TBL1X: variants seen among roughly 807,000 people sequenced by gnomAD.
The protein encoded by TBL1X is F-box-like/WD repeat-containing protein TBL1X.
A neutral mutation model predicts 50.7 loss-of-function variants in TBL1X; 10 were observed. The observed-to-expected ratio is 0.20, with a 90% CI of 0.12 to 0.33. TBL1X has a LOEUF of 0.33. TBL1X is among the 10% of genes least tolerant of loss of function. TBL1X has a pLI of 1.00. For synonymous variants in TBL1X, 190 were observed against 214.7 expected (o/e 0.88, Z 1.01); for missense variants, 340 against 504.4 (o/e 0.67, Z 3.12).
intron 7 of TBL1X, among the ~76,000 whole-genome samples, chrX:9,689,951 A>G (rs878970621): frequency 1.8e-5 from 2 of 112,551 alleles, no homozygotes; most frequent in Admixed American, 1.9e-4. Context: ...TATTTTTTAC[A>G]TAAACAGCAC....
chrX:9,550,969 C>G (rs184152162), intron 2 of TBL1X, among the ~76,000 whole-genome samples: 14 of 111,308 alleles, frequency 1.3e-4, no homozygotes, highest in Non-Finnish European at 2.5e-4. Context: ...CAGCCCCCCC[C>G]CAACCAAGAA....
chrX:9,495,146 C>A, intron 1 of TBL1X, among the ~76,000 whole-genome samples: 2 of 111,227 alleles, frequency 1.8e-5, no homozygotes, highest in South Asian at 7.5e-4. Context: ...TGGCTTTTTC[C>A]GTTCACAGCT....
At chrX:9,466,876 A>G (rs2146918369) in intron 1 of TBL1X, among the ~76,000 whole-genome samples, 1 of 112,361 alleles carries the variant, frequency 8.9e-6, no homozygotes, top group South Asian at 3.7e-4. Context: ...ACTAATGCAA[A>G]CAACAAAAGT....
chrX:9,663,161 G>T (rs2082908385), intron 5 of TBL1X, among the ~76,000 whole-genome samples: 1 of 111,065 alleles, frequency 9.0e-6, no homozygotes. Flanking sequence ...ACATGATAAG[G>T]GCTTTTTCAT....
At chrX:9,466,545 A>G (rs1011434026) in intron 1 of TBL1X, among the ~76,000 whole-genome samples, 9 of 112,189 alleles carry the variant, frequency 8.0e-5, no homozygotes, top group East Asian at 2.8e-4. Flanking sequence ...TGTATTTGCA[A>G]CTGTTTCTGC....
chrX:9,652,412 T>C (rs1033431816), intron 3 of TBL1X, among the ~76,000 whole-genome samples: 12 of 112,024 alleles, frequency 1.1e-4, no homozygotes, highest in Non-Finnish European at 2.1e-4. Flanking sequence ...AAATGTAAAA[T>C]ATCTTCCAAC....
At chrX:9,550,520 A>G (rs2082265707) in intron 2 of TBL1X, among the ~76,000 whole-genome samples, 1 of 112,137 alleles carries the variant, frequency 8.9e-6, no homozygotes, top group Non-Finnish European at 1.9e-5. Context: ...GATTTTTATT[A>G]GACTCTTCAA....
At chrX:9,610,953 A>G (rs2082610381) in intron 2 of TBL1X, among the ~76,000 whole-genome samples, 1 of 111,999 alleles carries the variant, frequency 8.9e-6, no homozygotes, top group South Asian at 3.7e-4. Context: ...CAAGCCTTGA[A>G]TGAATCATTT....
intron 15 of TBL1X, among the ~76,000 whole-genome samples, chrX:9,710,148 T>C (rs747737791): frequency 4.9e-5 from 5 of 102,807 alleles, no homozygotes; most frequent in East Asian, 3.2e-4. Flanking sequence ...GCCCAGGAGA[T>C]TGAGGCTGCA....
intron 1 of TBL1X, among the ~76,000 whole-genome samples, chrX:9,469,558 T>C (rs1235318787): frequency 8.9e-6 from 1 of 112,819 alleles, no homozygotes; most frequent in Admixed American, 9.3e-5. Context: ...TAGTTTGCTT[T>C]GTTTTTTTCC....
At position 9,716,206 on chromosome X, in the gene TBL1X, AT is replaced by A. The variant is rs747648460; in HGVS notation, c.1708-13del. 1.7e-6 allele frequency: 2 copies of A among 1,209,345 alleles called. No homozygotes were observed. The highest frequency in any genetic ancestry group is 3.5e-5 in the African/African-American group (2 of 57,392). Reference sequence around the variant, plus strand: ...TGTCTCTCAAGATGACAGGTGCTTTATCTTTCCTTCCAGGTGTGTGTTTTGG... The same window carrying A: ...TGTCTCTCAAGATGACAGGTGCTTTACTTTCCTTCCAGGTGTGTGTTTTGG... On this transcript the variant is annotated splice_polypyrimidine_tract_variant and intron_variant, in intron 17 of 17. Coordinates refer to ENST00000645353, the MANE Select transcript of TBL1X (RefSeq NM_005647.4).
chrX:9,670,519 A>T (rs2082954879), intron 5 of TBL1X, among the ~76,000 whole-genome samples: 1 of 112,319 alleles, frequency 8.9e-6, no homozygotes, highest in South Asian at 3.7e-4. Context: ...CCCTGTCTTG[A>T]TAAATCAGCT....
intron 2 of TBL1X, among the ~76,000 whole-genome samples, chrX:9,594,819 G>A (rs755010422): frequency 6.3e-5 from 7 of 111,946 alleles, no homozygotes; most frequent in Non-Finnish European, 1.3e-4. Flanking sequence ...CTTAGAATCA[G>A]TGGGTAGTCC....
chrX:9,655,130 GT>G (rs894176310), intron 5 of TBL1X, among the ~76,000 whole-genome samples: 1 of 111,309 alleles, frequency 9.0e-6, no homozygotes, highest in Non-Finnish European at 1.9e-5. Context: ...ACACACAGCC[GT>G]TTTCCTAAGC....
At chrX:9,537,584 T>A (rs1313386146) in intron 2 of TBL1X, among the ~76,000 whole-genome samples, 1 of 98,416 alleles carries the variant, frequency 1.0e-5, no homozygotes, top group Non-Finnish European at 2.0e-5. Flanking sequence ...ATGGTATTTG[T>A]CCTTTTGCGT....
At chrX:9,589,579 A>G (rs1319266813) in intron 2 of TBL1X, among the ~76,000 whole-genome samples, 9 of 111,250 alleles carry the variant, frequency 8.1e-5, no homozygotes, top group African/African-American at 2.9e-4. Flanking sequence ...TAATCCCTGA[A>G]CACACTAAGC....
chrX:9,474,954 A>G (rs2081840418), intron 1 of TBL1X, among the ~76,000 whole-genome samples: 1 of 111,727 alleles, frequency 9.0e-6, no homozygotes, highest in Non-Finnish European at 1.9e-5. Flanking sequence ...GCTCACTGCA[A>G]CCTCCGCCTC....
At chrX:9,612,952 G>A (rs1481931138) in intron 2 of TBL1X, among the ~76,000 whole-genome samples, 2 of 107,848 alleles carry the variant, frequency 1.9e-5, no homozygotes, top group East Asian at 5.7e-4. Context: ...AAAAAAAACT[G>A]TATTATCAAC....
At chrX:9,480,281 C>T (rs2146931800) in intron 1 of TBL1X, among the ~76,000 whole-genome samples, 1 of 111,683 alleles carries the variant, frequency 9.0e-6, no homozygotes, top group African/African-American at 3.3e-5. Context: ...TTGTGGGAGG[C>T]TATAAGAAAG....
Sources: allele counts gnomAD v4.1 joint callset (sites outside exome capture counted in the v4.1 genomes callset), GRCh38; gene constraint gnomAD v4.1.1; transcripts MANE v1.5; gene names NCBI Gene and HGNC (gene_info 2026-07-23, HGNC 2026-07-21).